Variants in SLC35E1 observed in about 807,000 individuals in gnomAD.
SLC35E1 encodes the protein solute carrier family 35, member E1.
A neutral mutation model predicts 31.0 loss-of-function variants in SLC35E1; 12 were observed. The ratio of observed to expected loss-of-function variants is 0.39; its 90% CI spans 0.25 to 0.63. SLC35E1 has a LOEUF of 0.63. Ranked by LOEUF, SLC35E1 falls within the 20% of genes least tolerant of loss-of-function variation. The probability of loss-of-function intolerance (pLI) is 0.52; values close to 1 mark genes in which losing one functional copy is unlikely to be tolerated. For missense variants in SLC35E1, 429 were observed against 572.2 expected (o/e 0.75, Z 2.55); for synonymous variants, 257 against 264.1 (o/e 0.97, Z 0.26).
intron 4 of SLC35E1, among the ~76,000 whole-genome samples, chr19:16,559,487 CACACACACACACAG>C (rs904140223): frequency 2.0e-5 from 3 of 148,052 alleles, no homozygotes; most frequent in African/African-American, 7.6e-5. Context: ...CACACACACA[CACACACACACACAG>C]AGTTAACCAG....
chr19:16,568,473 A>G (rs2085942690), intron 2 of SLC35E1, among the ~76,000 whole-genome samples: 1 of 152,242 alleles, frequency 6.6e-6, no homozygotes. Flanking sequence ...TTCAGCTGCC[A>G]CTGACGCACC....
Position 16,571,503 on chromosome 19 carries a change from C to CG in SLC35E1, c.492+8dup, listed in dbSNP as rs1248971750. 6.2e-7 allele frequency: 1 copy of CG among 1,613,606 alleles called. No individual in the cohort carries two copies. The highest frequency in any genetic ancestry group is 1.3e-5 in the African/African-American group (1 of 74,918). Reference sequence around the variant, plus strand: ...CTCCCATCTGCCCAGAGTCCCTGCCCGGGGTTACCTTGGTGCTCTGCTTCT... The same window carrying CG: ...CTCCCATCTGCCCAGAGTCCCTGCCCGGGGGTTACCTTGGTGCTCTGCTTCT... On this transcript the variant is annotated intron_variant, in intron 2 of 5. Transcript: ENST00000595753.
Position 16,566,668 on chromosome 19 carries a change from A to G in SLC35E1, c.631-11T>C, listed in dbSNP as rs2122345643. The G allele has an allele frequency of 6.2e-7, 1 of 1,610,894 alleles. No individual in the cohort carries two copies. Among genetic ancestry groups the G allele is most frequent in the Non-Finnish European group, 8.5e-7 (1 of 1,179,380 alleles). On this transcript the variant is annotated splice_polypyrimidine_tract_variant and intron_variant, in intron 3 of 5. Transcript: ENST00000595753. ...TGAATCTCGCAAGACCTGGAAAGGG[A>G]AAGCCTCTTTAGAGGGTGATTAAAA... is the stretch of plus-strand genomic sequence containing the variant.
rs2085847916 is a variant in SLC35E1 at position 16,551,960 on chromosome 19, C to T, written c.*1719G>A. 6.6e-6 allele frequency: 1 copy of T among 151,964 alleles called. No individual in the cohort carries two copies. Among genetic ancestry groups the T allele is most frequent in the Non-Finnish European group, 1.5e-5 (1 of 68,020 alleles). The allele number at this position is 151,964 out of a possible 1,614,324, so 9.4% of individuals were successfully genotyped here. The stretch of plus-strand genomic sequence containing the variant: ...AGAGATGGGGTTTCACCATGTTGGC[C>T]AGGGTGGTCTCAAACTCCAGTGATC... On this transcript the variant is annotated 3_prime_UTR_variant, in exon 6 of 6. Coordinates refer to ENST00000595753, the MANE Select transcript of SLC35E1 (RefSeq NM_024881.5).
rs907773198 is a variant in SLC35E1, at chr19:16,551,785, C to T, written c.*1894G>A. 1.4e-5 allele frequency: 2 copies of T among 143,484 alleles called. No homozygotes were observed. The highest frequency in any genetic ancestry group is 1.5e-5 in the Non-Finnish European group (1 of 66,640). 8.9% of individuals were successfully genotyped at this position (143,484 alleles called of 1,614,324 possible). A position where few individuals can be genotyped will look rare whatever the true frequency, so the allele number is the denominator to read the frequency against. Reference sequence around the variant, plus strand: ...TTTTTTTTTTTTTGAGACAGAGTCTCACTCTGTCACCAAGGCTGGAGTGCA... The same window carrying T: ...TTTTTTTTTTTTTGAGACAGAGTCTTACTCTGTCACCAAGGCTGGAGTGCA... On this transcript the variant is annotated 3_prime_UTR_variant, in exon 6 of 6. Coordinates refer to ENST00000595753, the MANE Select transcript of SLC35E1 (RefSeq NM_024881.5).
intron 4 of SLC35E1, among the ~76,000 whole-genome samples, chr19:16,556,072 G>A (rs568934850): frequency 2.0e-5 from 3 of 152,172 alleles, no homozygotes; most frequent in African/African-American, 4.8e-5. Context: ...AAAATTGGTC[G>A]GGTGTGGTGT....
chr19:16,564,913 C>G, intron 4 of SLC35E1: 1 of 313,586 alleles, frequency 3.2e-6, no homozygotes, highest in South Asian at 2.5e-5. Flanking sequence ...GAAAAGTGAG[C>G]CATGGTTTAC....
chr19:16,560,867 C>CAAAAACAAAAAACCAAAAAAAAAAAAA (rs1568272912), intron 4 of SLC35E1, among the ~76,000 whole-genome samples: 3 of 67,590 alleles, frequency 4.4e-5, no homozygotes, highest in African/African-American at 1.5e-4. Context: ...ATCTCAAAAA[C>CAAAAACAAAAAACCAAAAAAAAAAAAA]AAAAAAAAAA....
rs2085961472 is a variant in SLC35E1 at position 16,571,957 on chromosome 19, G to C, written c.408C>G (p.Ser136=). Residue 136 remains serine (S), a synonymous_variant, in exon 1 of 6, where the codon TCC becomes TCG. Transcript: ENST00000595753. The stretch of plus-strand genomic sequence containing the variant: ...CGCGGAACCTACCGGTGTGTGCATA[G>C]GACACGGGCACCTTCCAGATGCTGA... The part of the protein sequence containing the change: ...AHVSIWKVPV[S]YAHTVKATMP... 6.5e-7 allele frequency: 1 copy of C among 1,547,556 alleles called. No homozygotes were observed. Among genetic ancestry groups the C allele is most frequent in the Non-Finnish European group, 8.7e-7 (1 of 1,145,670 alleles).
intron 4 of SLC35E1, among the ~76,000 whole-genome samples, chr19:16,558,057 T>G (rs552902457): frequency 1.6e-4 from 24 of 151,364 alleles, no homozygotes; most frequent in African/African-American, 5.4e-4. Context: ...TTTTGTTTTT[T>G]TTTGAGATAG....
intron 4 of SLC35E1, among the ~76,000 whole-genome samples, chr19:16,564,415 C>A (rs527967662): frequency 3.9e-5 from 6 of 152,254 alleles, no homozygotes; most frequent in Non-Finnish European, 7.4e-5. Context: ...AAGCAATTCT[C>A]CTGCCTCAGC....
intron 1 of SLC35E1, 120 bp downstream of exon 1, chr19:16,571,803 TCCCCTACCAAACCCTTGGCAG>T: frequency 1.0e-6 from 1 of 984,112 alleles, no homozygotes; most frequent in Admixed American, 2.6e-5. Flanking sequence ...TGCGTGTCCC[TCCCCTACCAAACCCTTGGCAG>T]CCCCTCTGCT....
rs1176264866 is a variant in SLC35E1, at chr19:16,551,362, T to C, written c.*2317A>G. 3 of 151,826 alleles carry C rather than the reference T, an allele frequency of 2.0e-5. No individual in the cohort carries two copies. Among genetic ancestry groups the C allele is most frequent in the Non-Finnish European group, 4.4e-5 (3 of 67,980 alleles). The allele number at this position is 151,826 out of a possible 1,614,324, so 9.4% of individuals were successfully genotyped here. On this transcript the variant is annotated 3_prime_UTR_variant, in exon 6 of 6. Transcript: ENST00000595753. ...GGGGGGCCAGTCACCTCTTCAGGAGTGTCCCATGTGTCAGCTGACATAACA... is the reference window on the plus strand; with the variant it reads ...GGGGGGCCAGTCACCTCTTCAGGAGCGTCCCATGTGTCAGCTGACATAACA...
Position 16,552,425 on chromosome 19 carries a change from C to G in SLC35E1, c.*1254G>C, listed in dbSNP as rs2085850222. 6.6e-6 allele frequency: 1 copy of G among 151,902 alleles called. No individual in the cohort carries two copies. Among genetic ancestry groups the G allele is most frequent in the African/African-American group, 2.4e-5 (1 of 41,360 alleles). 9.4% of individuals were successfully genotyped at this position (151,902 alleles called of 1,614,324 possible). On this transcript the variant is annotated 3_prime_UTR_variant, in exon 6 of 6. Transcript: ENST00000595753. Reference sequence around the variant, plus strand: ...TCTCGGCTCACCACAACTTCTGCCTCCCAGGTTCAAGCAATTCGCCTGCCT... The same window carrying G: ...TCTCGGCTCACCACAACTTCTGCCTGCCAGGTTCAAGCAATTCGCCTGCCT...
At chr19:16,557,977 C>G (rs968681900) in intron 4 of SLC35E1, among the ~76,000 whole-genome samples, 2 of 151,948 alleles carry the variant, frequency 1.3e-5, no homozygotes, top group African/African-American at 4.8e-5. Flanking sequence ...CCATGCCCGG[C>G]TAATTGTTGT....
intron 4 of SLC35E1, among the ~76,000 whole-genome samples, chr19:16,558,218 A>C (rs2085885817): frequency 6.6e-6 from 1 of 151,730 alleles, no homozygotes; most frequent in African/African-American, 2.4e-5. Flanking sequence ...TAATTTTTGT[A>C]TTTTTAGTAG....
Position 16,572,176 on chromosome 19 carries a change from C to A in SLC35E1, c.189G>T (p.Leu63=). 1 of 1,531,818 alleles carries A rather than the reference C, an allele frequency of 6.5e-7. No homozygotes were observed. 94.9% of individuals were successfully genotyped at this position (1,531,818 alleles called of 1,614,324 possible). A position where few individuals can be genotyped will look rare whatever the true frequency, so the allele number is the denominator to read the frequency against. ...SAFPFPVTVS[L]CHILALCAGL... ...CAGCGCACAGAGCCAGGATGTGGCACAGCGACACGGTCACCGGGAACGGGA... is the reference window on the plus strand; with the variant it reads ...CAGCGCACAGAGCCAGGATGTGGCAAAGCGACACGGTCACCGGGAACGGGA... The change falls in exon 1 of 6, where the codon CTG becomes CTT. Residue 63 remains leucine, a synonymous_variant. Coordinates refer to ENST00000595753, the MANE Select transcript of SLC35E1 (RefSeq NM_024881.5). The surrounding 1 kb of genome is among the most constrained non-coding windows in gnomAD (Gnocchi z 4.1).
chr19:16,572,415 C>T lies in SLC35E1; in HGVS notation c.-51G>A, dbSNP rs2085965932. Reference sequence around the variant, plus strand: ...GCCCGTCCGACGGCCCGACGCCGGGCGGGGGCGGGGCTGGGCGGGGGGGCA... The same window carrying T: ...GCCCGTCCGACGGCCCGACGCCGGGTGGGGGCGGGGCTGGGCGGGGGGGCA... On this transcript the variant is annotated 5_prime_UTR_variant, in exon 1 of 6. Transcript: ENST00000595753. This position sits in a 1 kb window ranked among gnomAD's most constrained non-coding sequence, Gnocchi z 4.1. The T allele has an allele frequency of 4.1e-6, 4 of 971,218 alleles. No individual in the cohort carries two copies. Among genetic ancestry groups the T allele is most frequent in the South Asian group, 9.3e-5 (2 of 21,474 alleles). The allele number at this position is 971,218 out of a possible 1,614,324, so 60.2% of individuals were successfully genotyped here. A position where few individuals can be genotyped will look rare whatever the true frequency, so the allele number is the denominator to read the frequency against.
intron 2 of SLC35E1, 105 bp from the exon 3 acceptor site, chr19:16,568,274 A>C (rs1293032529): frequency 7.3e-7 from 1 of 1,368,572 alleles, no homozygotes; most frequent in Non-Finnish European, 9.7e-7. Context: ...GCAAAGGGAT[A>C]CCACCTAACA....
Sources: allele counts gnomAD v4.1 joint callset (sites outside exome capture counted in the v4.1 genomes callset), GRCh38; gene constraint gnomAD v4.1.1; non-coding constraint Gnocchi (gnomAD v3.1); transcripts MANE v1.5; gene names NCBI Gene and HGNC (gene_info 2026-07-23, HGNC 2026-07-21).